The following MAP3K14 variants were observed in gnomAD, a reference collection of about 807,000 sequenced individuals.
MAP3K14 encodes NF-kappa-beta-inducing kinase.
In MAP3K14, 16 loss-of-function variants were observed where a neutral mutation model predicts 99.2. The ratio of observed to expected loss-of-function variants is 0.16; its 90% CI spans 0.11 to 0.24. MAP3K14 has a LOEUF of 0.24. Ranked by LOEUF, MAP3K14 falls within the 10% of genes least tolerant of loss-of-function variation. MAP3K14 has a pLI of 1.00. For missense variants in MAP3K14, 784 were observed against 1,208.7 expected, an observed-to-expected ratio of 0.65 and a Z score of 5.21; for synonymous variants, 462 against 492.4, an observed-to-expected ratio of 0.94 and a Z score of 0.82.
At chr17:45,281,617 ACAGGCCTGGCCTGATCTTACTT>A (rs1436268126) in intron 6 of MAP3K14, 1 of 148,004 alleles carries the variant, frequency 6.8e-6, no homozygotes, top group Non-Finnish European at 1.5e-5. Flanking sequence ...GGCATGAGCC[ACAGGCCTGGCCTGATCTTACTT>A]CTTTTTTTTT....
At chr17:45,304,315 C>A (rs899713911) in intron 1 of MAP3K14, among the ~76,000 whole-genome samples, 1 of 152,166 alleles carries the variant, frequency 6.6e-6, no homozygotes, top group East Asian at 1.9e-4. Context: ...CTAATTCATT[C>A]TTTTTAAGGC....
intron 5 of MAP3K14, among the ~76,000 whole-genome samples, chr17:45,285,272 T>A (rs2044254511): frequency 6.6e-6 from 1 of 151,140 alleles, no homozygotes; most frequent in African/African-American, 2.4e-5. Context: ...ACTCAGGAGC[T>A]AGAAGGTGGA....
chr17:45,285,960 CA>C (rs2044261342), intron 5 of MAP3K14, among the ~76,000 whole-genome samples: 1 of 113,542 alleles, frequency 8.8e-6, no homozygotes. Flanking sequence ...TCAAAAAACA[CA>C]TTTATTAAAA....
In MAP3K14 at chr17:45,272,695, T is replaced by G. The variant is rs1163569791; in HGVS notation, c.1657+808A>C. Among the ~76,000 whole-genome samples the G allele has an allele frequency of 6.6e-6, 1 of 152,142 alleles. No individual in the cohort carries two copies. The highest frequency in any genetic ancestry group is 6.5e-5 in the Admixed American group (1 of 15,270). On this transcript the variant is annotated intron_variant, in intron 9 of 15. Transcript: ENST00000344686. The surrounding 1 kb of genome is among the most constrained non-coding windows in gnomAD (Gnocchi z 4.1). ...AGGCTCATGCCTGTAATTCCAGCAC[T>G]TTGGGAGGCTGAGTGGGGCGGATCA... is the stretch of plus-strand genomic sequence containing the variant.
Position 45,272,804 on chromosome 17 carries a change from G to C in MAP3K14, c.1657+699C>G, listed in dbSNP as rs985315072. On this transcript the variant is annotated intron_variant, in intron 9 of 15. Coordinates refer to ENST00000344686, the MANE Select transcript of MAP3K14 (RefSeq NM_003954.5). This position sits in a 1 kb window ranked among gnomAD's most constrained non-coding sequence, Gnocchi z 4.1. ...AAAATACAAAAATTAGCTGGGCATG[G>C]TGGAAGGCGCCTGTAATCCCAGCTA... 6.6e-6 allele frequency among the ~76,000 whole-genome samples: 1 copy of C among 152,196 alleles called. No individual in the cohort carries two copies. Among genetic ancestry groups the C allele is most frequent in the Admixed American group, 6.5e-5 (1 of 15,282 alleles).
intron 6 of MAP3K14, among the ~76,000 whole-genome samples, chr17:45,275,485 AAAAAAAAAAC>A (rs2044172446): frequency 7.9e-6 from 1 of 127,388 alleles, no homozygotes; most frequent in Non-Finnish European, 1.6e-5. Context: ...TCCATCTCAA[AAAAAAAAAAC>A]AAAAAAAAAC....
chr17:45,286,217 G>C lies in MAP3K14; in HGVS notation c.1152+214C>G, dbSNP rs1414564666. On this transcript the variant is annotated intron_variant, in intron 5 of 15. Transcript: ENST00000344686. This position sits in a 1 kb window ranked among gnomAD's most constrained non-coding sequence, Gnocchi z 4.1. ...TGCAGTGCCCACATTCAGCAAGCAG[G>C]AGGTGACCAACCAGAAGAACTCAGA... Among the ~76,000 whole-genome samples, 1 of 152,120 alleles carries C rather than the reference G, an allele frequency of 6.6e-6. No homozygotes were observed. The highest frequency in any genetic ancestry group is 1.9e-4 in the East Asian group (1 of 5,178).
intron 8 of MAP3K14, chr17:45,273,846 T>C (rs1034718246): frequency 3.1e-6 from 2 of 646,844 alleles, no homozygotes; most frequent in Non-Finnish European, 5.6e-6. Context: ...TCGGGAACGC[T>C]GCCACTCTGC....
chr17:45,292,434 G>T (rs1178629569), intron 1 of MAP3K14, among the ~76,000 whole-genome samples: 1 of 152,078 alleles, frequency 6.6e-6, no homozygotes, highest in African/African-American at 2.4e-5. Flanking sequence ...GGGGTAGCTG[G>T]CCTGTAGTCC....
intron 11 of MAP3K14, among the ~76,000 whole-genome samples, chr17:45,269,336 T>C (rs530629728): frequency 3.3e-5 from 5 of 152,276 alleles, no homozygotes; most frequent in Non-Finnish European, 1.5e-5. Flanking sequence ...ATTCTTGGAT[T>C]CCTAGTGAGT....
chr17:45,291,300 G>C (rs991252998), intron 1 of MAP3K14, among the ~76,000 whole-genome samples: 3 of 148,932 alleles, frequency 2.0e-5, no homozygotes, highest in Admixed American at 6.7e-5. Context: ...AGATATCTGT[G>C]TGTGTGTGTG....
In MAP3K14 at chr17:45,289,224, T is replaced by G. The variant is rs1300703568; in HGVS notation, c.326+12A>C. On this transcript the variant is annotated intron_variant, in intron 3 of 15. Transcript: ENST00000344686. ...CCCCACCTTCCCACTCAGGCTTGTC[T>G]CCCCTGCTTACCTGTACTGTTTGGA... is the stretch of plus-strand genomic sequence containing the variant. 1 of 1,613,192 alleles carries G rather than the reference T, an allele frequency of 6.2e-7. No homozygotes were observed. The highest frequency in any genetic ancestry group is 8.5e-7 in the Non-Finnish European group (1 of 1,179,372).
chr17:45,315,560 C>A (rs532658847), intron 1 of MAP3K14, among the ~76,000 whole-genome samples: 8 of 152,326 alleles, frequency 5.3e-5, no homozygotes, highest in African/African-American at 1.9e-4. Flanking sequence ...TTAAAAAACA[C>A]CAAGAGTAAA....
At chr17:45,264,901 G>A in intron 15 of MAP3K14, 101 bp from the exon 16 acceptor site, 1 of 1,245,492 alleles carries the variant, frequency 8.0e-7, no homozygotes, top group South Asian at 1.5e-5. Flanking sequence ...CAGCCCTAAG[G>A]GCACTGCCTG....
Position 45,265,135 on chromosome 17 carries a change from C to T in MAP3K14, c.2679+28G>A, listed in dbSNP as rs1379689382. The T allele has an allele frequency of 2.6e-6, 4 of 1,556,634 alleles. No homozygotes were observed. The African/African-American group carries it at 4.1e-5, about 16-fold the overall frequency. Reference sequence around the variant, plus strand: ...AGCTGCATTGGCTTCTGGGACTCTGCCCGTCAGAGTGTACCTGCCCCCCTT... The same window carrying T: ...AGCTGCATTGGCTTCTGGGACTCTGTCCGTCAGAGTGTACCTGCCCCCCTT... On this transcript the variant is annotated intron_variant, in intron 15 of 15. Coordinates refer to ENST00000344686, the MANE Select transcript of MAP3K14 (RefSeq NM_003954.5).
Position 45,270,397 on chromosome 17 carries a change from G to C in MAP3K14, c.1972+16C>G, listed in dbSNP as rs370694731. The C allele has an allele frequency of 1.2e-6, 2 of 1,607,312 alleles. No individual in the cohort carries two copies. The highest frequency in any genetic ancestry group is 8.5e-7 in the Non-Finnish European group (1 of 1,178,066). Reference sequence around the variant, plus strand: ...TCTTCTGCCCCCCGGGTCAGCCAGCGTGGGGCTCTTCCTACCTTGCTGTAG... The same window carrying C: ...TCTTCTGCCCCCCGGGTCAGCCAGCCTGGGGCTCTTCCTACCTTGCTGTAG... On this transcript the variant is annotated intron_variant, in intron 11 of 15. Coordinates refer to ENST00000344686, the MANE Select transcript of MAP3K14 (RefSeq NM_003954.5).
In MAP3K14 at chr17:45,289,093, A is replaced by C. The variant is rs1307993987; in HGVS notation, c.326+143T>G. ...GCTGAGAGAGCGGCTCAGCCAGGAA[A>C]GCCTGGGTGAGTTCCAGGAGCTGAA... is the stretch of plus-strand genomic sequence containing the variant. On this transcript the variant is annotated intron_variant, in intron 3 of 15. Transcript: ENST00000344686. The C allele has an allele frequency of 7.9e-6, 5 of 636,134 alleles. No individual in the cohort carries two copies. The East Asian group carries it at 1.4e-4, about 18-fold the overall frequency. 39.4% of individuals were successfully genotyped at this position (636,134 alleles called of 1,614,324 possible).
chr17:45,267,529 C>T lies in MAP3K14; in HGVS notation c.2203G>A (p.Glu735Lys). The T allele has an allele frequency of 6.2e-7, 1 of 1,613,422 alleles. No homozygotes were observed. Among genetic ancestry groups the T allele is most frequent in the Non-Finnish European group, 8.5e-7 (1 of 1,179,604 alleles). ...NKSPPLTLSK[E>K]ESGMWEPLPL... ...AAGGGTTCCCACATCCCAGACTCCT[C>T]CTTGCTCAAAGTCAAGGGAGGAGAC... The change falls in exon 12 of 16, where the codon GAG becomes AAG. Residue 735 changes from glutamate (E) to lysine (K), a missense_variant. Transcript: ENST00000344686. The surrounding 1 kb of genome is among the most constrained non-coding windows in gnomAD (Gnocchi z 5.1).
chr17:45,300,044 G>A (rs180774298), intron 1 of MAP3K14, among the ~76,000 whole-genome samples: 2 of 152,190 alleles, frequency 1.3e-5, no homozygotes, highest in East Asian at 1.9e-4. Context: ...AGCCGAGATC[G>A]CGCCACTGCA....
Sources: allele counts gnomAD v4.1 joint callset (sites outside exome capture counted in the v4.1 genomes callset), GRCh38; gene constraint gnomAD v4.1.1; non-coding constraint Gnocchi (gnomAD v3.1); transcripts MANE v1.5; gene names NCBI Gene and HGNC (gene_info 2026-07-23, HGNC 2026-07-21).